KDELR2: variants seen among roughly 807,000 people sequenced by gnomAD.
KDELR2 encodes the protein KDEL endoplasmic reticulum protein retention receptor 2, also known as ER lumen protein-retaining receptor 2.
In KDELR2, 15 loss-of-function variants were observed where a neutral mutation model predicts 23.9. The observed-to-expected ratio is 0.63, with a 90% confidence interval of 0.42 to 0.97. The LOEUF (loss-of-function observed/expected upper bound fraction) is 0.97. KDELR2 is among the 50% of genes least tolerant of loss of function. The pLI is 0.00. For synonymous variants in KDELR2, 119 were observed against 106.2 expected, an observed-to-expected ratio of 1.12 and a Z score of -0.74; for missense variants, 272 against 254.6, an observed-to-expected ratio of 1.07 and a Z score of -0.46.
chr7:6,472,113 G>A (rs1382618679), intron 2 of KDELR2, among the ~76,000 whole-genome samples: 1 of 152,072 alleles, frequency 6.6e-6, no homozygotes, highest in East Asian at 1.9e-4. Flanking sequence ...GGATGGTCTC[G>A]ATCTCCTCAC....
chr7:6,473,579 T>C (rs1216603725), intron 2 of KDELR2, among the ~76,000 whole-genome samples: 1 of 152,214 alleles, frequency 6.6e-6, no homozygotes, highest in Non-Finnish European at 1.5e-5. Context: ...AAAGGTGTTA[T>C]AGATACTAAT....
Position 6,462,145 on chromosome 7 carries a change from T to C in KDELR2, c.*996A>G, listed in dbSNP as rs1232726649. Reference sequence around the variant, plus strand: ...GGTTAAATAAAAAGAAAACCACACATACAAAAAAGAATGTAAGGAATGGTT... The same window carrying C: ...GGTTAAATAAAAAGAAAACCACACACACAAAAAAGAATGTAAGGAATGGTT... On this transcript the variant is annotated 3_prime_UTR_variant, in exon 5 of 5. Transcript: ENST00000258739. The C allele has an allele frequency of 6.6e-6, 1 of 151,340 alleles. No individual in the cohort carries two copies. Among genetic ancestry groups the C allele is most frequent in the Non-Finnish European group, 1.5e-5 (1 of 67,888 alleles). 9.4% of individuals were successfully genotyped at this position (151,340 alleles called of 1,614,324 possible).
In KDELR2 at chr7:6,469,724, C is replaced by G. The variant is rs1785585981; in HGVS notation, c.223G>C (p.Val75Leu). ...TTAAATTTCAGGTAGATCAGGTACA[C>G]TGTGGCATAGGAGCAGGCAAGGTAG... ...VIYLACSYAT[V>L]YLIYLKFKAT... Residue 75 changes from valine (V) to leucine (L), a missense_variant, in exon 3 of 5, where the codon GTG (valine) becomes CTG (leucine). Coordinates refer to ENST00000258739, the MANE Select transcript of KDELR2 (RefSeq NM_006854.4). 6.2e-7 allele frequency: 1 copy of G among 1,614,080 alleles called. No individual in the cohort carries two copies. The highest frequency in any genetic ancestry group is 1.1e-5 in the South Asian group (1 of 91,072).
intron 1 of KDELR2, among the ~76,000 whole-genome samples, chr7:6,481,684 C>T (rs1233570314): frequency 1.3e-5 from 2 of 152,104 alleles, no homozygotes; most frequent in Non-Finnish European, 2.9e-5. Flanking sequence ...ACAGCCATTG[C>T]ACTCCAGCCT....
intron 2 of KDELR2, chr7:6,470,002 C>T (rs11975679): frequency 0.89 from 284,193 of 317,542 alleles, 128,768 homozygotes; most frequent in African/African-American, 0.96. Flanking sequence ...GCTGCCGCTT[C>T]GCAGTCAAAC....
At chr7:6,471,347 A>G (rs1279007829) in intron 2 of KDELR2, among the ~76,000 whole-genome samples, 2 of 151,558 alleles carry the variant, frequency 1.3e-5, no homozygotes, top group African/African-American at 4.8e-5. Flanking sequence ...ATGCCCAGCT[A>G]ATTTTTATAT....
intron 1 of KDELR2, among the ~76,000 whole-genome samples, chr7:6,474,933 T>TG (rs1378462845): frequency 6.6e-6 from 1 of 152,214 alleles, no homozygotes; most frequent in African/African-American, 2.4e-5. Context: ...CCATGTCGCC[T>TG]GGTCCCTTCT....
At chr7:6,477,999 A>G (rs577483684) in intron 1 of KDELR2, among the ~76,000 whole-genome samples, 7 of 152,348 alleles carry the variant, frequency 4.6e-5, no homozygotes, top group African/African-American at 1.7e-4. Flanking sequence ...ATAAGACATG[A>G]ACATTTTAAA....
chr7:6,471,338 T>C (rs1246959543), intron 2 of KDELR2, among the ~76,000 whole-genome samples: 1 of 151,496 alleles, frequency 6.6e-6, no homozygotes, highest in Non-Finnish European at 1.5e-5. Context: ...CCTGCCACCA[T>C]GCCCAGCTAA....
At chr7:6,471,676 AT>A (rs1785646202) in intron 2 of KDELR2, among the ~76,000 whole-genome samples, 1 of 152,152 alleles carries the variant, frequency 6.6e-6, no homozygotes, top group Admixed American at 6.6e-5. Flanking sequence ...AGTGTTAATA[AT>A]TTGTTCCTTT....
intron 1 of KDELR2, among the ~76,000 whole-genome samples, chr7:6,483,274 T>A (rs1785946442): frequency 1.3e-5 from 2 of 152,118 alleles, no homozygotes; most frequent in African/African-American, 4.8e-5. Context: ...AAAAACCAGA[T>A]CGTTTCCCAA....
rs909665306 is a variant in KDELR2 at position 6,479,472 on chromosome 7, T to TTTTG, written c.91+4491_91+4494dup. ...GACCGGCCAAGAACAAAAACTTTTT[T>TTTTG]TTTGTTTGTTTGTTTGATTTTTTGA... is the stretch of plus-strand genomic sequence containing the variant. On this transcript the variant is annotated intron_variant, in intron 1 of 4. Transcript: ENST00000258739. Among the ~76,000 whole-genome samples, 277 of 151,528 alleles carry TTTTG rather than the reference T, an allele frequency of 1.8e-3. 1 individual carries two copies. The highest frequency in any genetic ancestry group is 6.4e-3 in the African/African-American group (264 of 41,328).
intron 2 of KDELR2, 91 bp from the exon 3 acceptor site, chr7:6,469,845 G>C: frequency 8.9e-7 from 1 of 1,126,710 alleles, no homozygotes; most frequent in Non-Finnish European, 1.2e-6. Context: ...ATTTGGAAAG[G>C]CAAGATTTTT....
At chr7:6,468,361 G>T (rs1785546679) in intron 3 of KDELR2, among the ~76,000 whole-genome samples, 1 of 152,110 alleles carries the variant, frequency 6.6e-6, no homozygotes, top group Non-Finnish European at 1.5e-5. Flanking sequence ...ATGGAGTCTT[G>T]CTCTGTCGCT....
rs202141779 is a variant in KDELR2 at position 6,463,120 on chromosome 7, G to A, written c.*21C>T. 116 of 1,614,044 alleles carry A rather than the reference G, an allele frequency of 7.2e-5. No individual in the cohort carries two copies. The Middle Eastern group carries it at 9.9e-4, about 14-fold the overall frequency. ...TGTCCGAGCACCCTGAAGGACAGAT[G>A]CTGGTGATGGTCTTTGGCACTTATG... On this transcript the variant is annotated 3_prime_UTR_variant, in exon 5 of 5. Coordinates refer to ENST00000258739, the MANE Select transcript of KDELR2 (RefSeq NM_006854.4).
At position 6,463,162 on chromosome 7, in the gene KDELR2, C is replaced by G. The variant is rs753647928; in HGVS notation, c.618G>C (p.Lys206Asn). Reference sequence around the variant, plus strand: ...GCACTTATGCTGGCAAACTGAGCTTCTTTCCCTTGAGTACTAGAATTTCAA... The same window carrying G: ...GCACTTATGCTGGCAAACTGAGCTTGTTTCCCTTGAGTACTAGAATTTCAA... ...YLYITKVLKG[K>N]KLSLPA Residue 206 changes from lysine to asparagine, a missense_variant, in exon 5 of 5, where the codon AAG (lysine) becomes AAC (asparagine). Lys to Asn is a moderately conservative substitution (Grantham distance 94). Transcript: ENST00000258739. 27 of 1,613,500 alleles carry G rather than the reference C, an allele frequency of 1.7e-5. No homozygotes were observed. The highest frequency in any genetic ancestry group is 2.2e-5 in the Non-Finnish European group (26 of 1,179,922).
At chr7:6,479,165 G>C (rs1052524907) in intron 1 of KDELR2, among the ~76,000 whole-genome samples, 3 of 151,902 alleles carry the variant, frequency 2.0e-5, no homozygotes, top group African/African-American at 7.3e-5. Context: ...TCTTTTGTTT[G>C]TCTTTTGTTT....
At chr7:6,482,574 A>C (rs781380432) in intron 1 of KDELR2, 9 of 470,836 alleles carry the variant, frequency 1.9e-5, no homozygotes, top group Non-Finnish European at 4.0e-5. Context: ...TTATGTTCCA[A>C]GGAGACAGGC....
chr7:6,482,832 CAAAA>C (rs10525658), intron 1 of KDELR2, among the ~76,000 whole-genome samples: 3 of 122,878 alleles, frequency 2.4e-5, no homozygotes, highest in Non-Finnish European at 5.4e-5. Context: ...CAAAAAATAG[CAAAA>C]AAAAAAAAAA....
Sources: allele counts gnomAD v4.1 joint callset (sites outside exome capture counted in the v4.1 genomes callset), GRCh38; gene constraint gnomAD v4.1.1; transcripts MANE v1.5; gene names NCBI Gene and HGNC (gene_info 2026-07-23, HGNC 2026-07-21).